Variants in CSE1L observed in about 807,000 individuals in gnomAD.
CSE1L encodes the protein chromosome segregation 1 like.
In CSE1L, 24 loss-of-function variants were observed where a neutral mutation model predicts 120.4. That is an observed-to-expected ratio of 0.20 (90% CI 0.14 to 0.28). CSE1L has a LOEUF of 0.28. Among genes scored for constraint, CSE1L ranks in the 10% least tolerant of loss-of-function variants. The pLI, the probability that CSE1L is intolerant of heterozygous loss-of-function variation, is 1.00. For synonymous variants in CSE1L, 402 were observed against 398.3 expected (o/e 1.01, Z -0.11); for missense variants, 830 against 1,145.2 (o/e 0.72, Z 3.97).
intron 3 of CSE1L, among the ~76,000 whole-genome samples, chr20:49,065,304 G>GAA (rs73623295): frequency 1.6e-4 from 12 of 73,162 alleles, no homozygotes; most frequent in East Asian, 4.6e-4. Context: ...CATATGAAAT[G>GAA]AAAAAAAAAT....
intron 19 of CSE1L, 58 bp downstream of exon 19, chr20:49,089,804 T>C (rs1439160158): frequency 1.3e-5 from 20 of 1,494,352 alleles, no homozygotes; most frequent in Admixed American, 5.4e-5. Flanking sequence ...AAACTGGGGA[T>C]GGCAGATGTT....
At chr20:49,053,923 C>CAA (rs1418876464) in intron 1 of CSE1L, among the ~76,000 whole-genome samples, 1 of 151,882 alleles carries the variant, frequency 6.6e-6, no homozygotes, top group African/African-American at 2.4e-5. Context: ...CTCCTGGGCT[C>CAA]AAGCGATCGT....
chr20:49,059,413 G>A (rs1363883894), intron 2 of CSE1L, among the ~76,000 whole-genome samples: 1 of 152,114 alleles, frequency 6.6e-6, no homozygotes, highest in Non-Finnish European at 1.5e-5. Flanking sequence ...AGGCCAAGTG[G>A]AGACTGGTAA....
chr20:49,054,748 C>A (rs999631548), intron 1 of CSE1L, among the ~76,000 whole-genome samples: 3 of 152,206 alleles, frequency 2.0e-5, no homozygotes, highest in African/African-American at 7.2e-5. Context: ...AGAAAACCTT[C>A]ATGACTTCCC....
chr20:49,067,763 C>G (rs763060852), intron 6 of CSE1L, among the ~76,000 whole-genome samples: 13 of 151,544 alleles, frequency 8.6e-5, no homozygotes, highest in Admixed American at 2.6e-4. Flanking sequence ...GACAGGGTCT[C>G]ACTCTCATTG....
intron 14 of CSE1L, among the ~76,000 whole-genome samples, chr20:49,081,485 T>C (rs1364737913): frequency 6.6e-6 from 1 of 152,214 alleles, no homozygotes; most frequent in African/African-American, 2.4e-5. Flanking sequence ...TTGAGAAAAA[T>C]TATAGAGAAT....
chr20:49,048,923 G>A (rs1366379514), intron 1 of CSE1L, among the ~76,000 whole-genome samples: 2 of 152,190 alleles, frequency 1.3e-5, no homozygotes, highest in Admixed American at 1.3e-4. Flanking sequence ...TAAGAAAAAG[G>A]CAGACATCTT....
chr20:49,094,322 G>A (rs766152064), intron 23 of CSE1L, 36 bp downstream of exon 23: 18 of 1,593,508 alleles, frequency 1.1e-5, no homozygotes, highest in Non-Finnish European at 1.5e-5. Flanking sequence ...GTAAGTTACA[G>A]CTTCCTTCCC....
chr20:49,073,674 G>A (rs1219451397), intron 10 of CSE1L, among the ~76,000 whole-genome samples: 4 of 151,970 alleles, frequency 2.6e-5, no homozygotes, highest in African/African-American at 9.7e-5. Flanking sequence ...TTATAAAGAT[G>A]GGGGTCTTCC....
intron 2 of CSE1L, among the ~76,000 whole-genome samples, chr20:49,061,348 AT>A (rs1190498570): frequency 6.7e-6 from 1 of 149,542 alleles, no homozygotes; most frequent in Non-Finnish European, 1.5e-5. Context: ...AATTATTTGT[AT>A]TTTTAGTAGA....
At chr20:49,047,143 T>TCC (rs1230270860) in intron 1 of CSE1L, among the ~76,000 whole-genome samples, 5 of 152,146 alleles carry the variant, frequency 3.3e-5, no homozygotes, top group Admixed American at 3.3e-4. Context: ...ACTTTGGAAT[T>TCC]AGATCGCCTG....
chr20:49,065,312 A>ATTTTTTTTTTTTTTTTTTTTTTTTTTT (rs1568769017), intron 3 of CSE1L, among the ~76,000 whole-genome samples: 2 of 79,418 alleles, frequency 2.5e-5, no homozygotes, highest in Non-Finnish European at 2.4e-5. Flanking sequence ...ATGAAAAAAA[A>ATTTTTTTTTTTTTTTTTTTTTTTTTTT]ATTTTTTTTT....
intron 2 of CSE1L, among the ~76,000 whole-genome samples, chr20:49,060,810 A>C (rs2091846672): frequency 6.6e-6 from 1 of 152,090 alleles, no homozygotes; most frequent in Admixed American, 6.6e-5. Context: ...GTGCAAGCCA[A>C]ACTACTTCTG....
chr20:49,054,535 TA>T (rs1364397639), intron 1 of CSE1L, among the ~76,000 whole-genome samples: 2 of 152,194 alleles, frequency 1.3e-5, no homozygotes, highest in Non-Finnish European at 2.9e-5. Context: ...GATCTTTATT[TA>T]TTAACCATAT....
At position 49,072,416 on chromosome 20, in the gene CSE1L, T is replaced by G; in HGVS notation, c.899T>G (p.Leu300Ter). The change falls in exon 9 of 25, where the codon TTA (leucine) becomes TGA (stop). Residue 300 changes from leucine (L) to a stop codon, truncating the protein, a stop_gained. Transcript: ENST00000262982. LOFTEE classifies it high-confidence loss of function. The part of the protein sequence containing the change: ...LPRFVTAIWN[L>*]LVTTGQEVKY... Reference sequence around the variant, plus strand: ...CGTTTTGTTACAGCCATCTGGAATTTACTAGTTACAACGGGTCAAGAGGTT... The same window carrying G: ...CGTTTTGTTACAGCCATCTGGAATTGACTAGTTACAACGGGTCAAGAGGTT... 6.2e-7 allele frequency: 1 copy of G among 1,614,212 alleles called. No individual in the cohort carries two copies.
At position 49,063,127 on chromosome 20, in the gene CSE1L, TA is replaced by T. The variant is rs1374584675; in HGVS notation, c.86-74del. 180 of 631,770 alleles carry T rather than the reference TA, an allele frequency of 2.8e-4. 1 individual carries two copies. Among genetic ancestry groups the T allele is most frequent in the Non-Finnish European group, 3.9e-4 (175 of 446,952 alleles). 39.1% of individuals were successfully genotyped at this position (631,770 alleles called of 1,614,324 possible). On this transcript the variant is annotated intron_variant, in intron 2 of 24. Transcript: ENST00000262982. ...CTTTTCTCTTTTTTTGATTTTTTTTTATATATATATATTTGATATATATAAG... is the reference window on the plus strand; with the variant it reads ...CTTTTCTCTTTTTTTGATTTTTTTTTTATATATATATTTGATATATATAAG...
Position 49,068,740 on chromosome 20 carries a change from A to G in CSE1L, c.593A>G (p.His198Arg), listed in dbSNP as rs1296783051. The G allele has an allele frequency of 5.6e-6, 9 of 1,613,722 alleles. No homozygotes were observed. The highest frequency in any genetic ancestry group is 2.2e-5 in the East Asian group (1 of 44,882). ...GCCACTATTGAACTCTGCAGTACCC[A>G]TGCAAATGATGCCTCTGCCCTGAGG... is the stretch of plus-strand genomic sequence containing the variant. ...FKATIELCST[H>R]ANDASALRIL... The change falls in exon 7 of 25, where the codon CAT becomes CGT. Residue 198 changes from histidine to arginine, a missense_variant. Coordinates refer to ENST00000262982, the MANE Select transcript of CSE1L (RefSeq NM_001316.4).
At position 49,084,181 on chromosome 20, in the gene CSE1L, A is replaced by G; in HGVS notation, c.1619+19A>G. 1 of 1,612,980 alleles carries G rather than the reference A, an allele frequency of 6.2e-7. No individual in the cohort carries two copies. The highest frequency in any genetic ancestry group is 8.5e-7 in the Non-Finnish European group (1 of 1,179,334). On this transcript the variant is annotated intron_variant, in intron 15 of 24. Coordinates refer to ENST00000262982, the MANE Select transcript of CSE1L (RefSeq NM_001316.4). ...CCACTCTGTGAGTATTTTATTCTAA[A>G]GTTTTTTAGCCTGGGGTAGGGGCTG... is the stretch of plus-strand genomic sequence containing the variant.
chr20:49,052,206 T>G (rs1265042716), intron 1 of CSE1L, among the ~76,000 whole-genome samples: 1 of 152,224 alleles, frequency 6.6e-6, no homozygotes, highest in African/African-American at 2.4e-5. Flanking sequence ...TGACTTATCC[T>G]TTAGTTCATA....
Sources: gnomAD v4.1 joint callset for allele counts (sites outside exome capture counted in the v4.1 genomes callset) on GRCh38, gnomAD v4.1.1 for gene constraint, MANE v1.5 for transcripts, NCBI Gene and HGNC (gene_info 2026-07-23, HGNC 2026-07-21) for gene names.